Variants in COMMD5 observed in about 807,000 individuals in gnomAD.
COMMD5 encodes COMM domain containing 5.
COMMD5 carries 10 observed loss-of-function variants against 6.9 expected under a neutral mutation model. That is an observed-to-expected ratio of 1.44 (90% CI 0.89 to 2.45). COMMD5 has a LOEUF of 2.45. COMMD5 is among the 30% of genes most tolerant of loss of function. COMMD5 has a pLI of 0.00. For synonymous variants in COMMD5, 127 were observed against 125.3 expected (o/e 1.01, Z -0.09); for missense variants, 234 against 287.8 (o/e 0.81, Z 1.35).
At chr8:144,839,767 C>A (rs974442603), downstream of COMMD5, among the ~76,000 whole-genome samples, 1 of 152,304 alleles carries the variant, frequency 6.6e-6, no homozygotes, top group South Asian at 2.1e-4. Context: ...CCAGCTGGTA[C>A]AGTCAGCATC....
At chr8:144,849,617 G>A (rs115655126), downstream of COMMD5, among the ~76,000 whole-genome samples, 1,423 of 152,218 alleles carry the variant, frequency 9.3e-3, 24 homozygotes, top group African/African-American at 0.031. Context: ...CCAGCTGACC[G>A]AAAATGGCTC....
At chr8:144,846,464 C>G (rs983363890), downstream of COMMD5, 1 of 322,972 alleles carries the variant, frequency 3.1e-6, no homozygotes, top group Admixed American at 4.3e-5. Flanking sequence ...CATGGAGCCT[C>G]TGGCGGCTTT....
At chr8:144,844,559 A>G (rs372072928) in intron 1 of COMMD5, among the ~76,000 whole-genome samples, 2 of 151,734 alleles carry the variant, frequency 1.3e-5, no homozygotes, top group African/African-American at 4.8e-5. Context: ...AAATACAAAA[A>G]ATTAGCCGGG....
Position 144,850,936 on chromosome 8 carries a change from G to T in COMMD5, c.403C>A (p.Arg135=). The change falls in exon 2 of 2, where the codon CGG becomes AGG. Residue 135 remains arginine, a synonymous_variant. Coordinates refer to ENST00000305103, the MANE Select transcript of COMMD5 (RefSeq NM_014066.4). This position sits in a 1 kb window ranked among gnomAD's most constrained non-coding sequence, Gnocchi z 4.0. ...TGGGCCACAGAATCAAGGAGGGGCC[G>T]CTGGCTCCCAAATACCACGCTGGCC... ...DLASVVFGSQ[R]PLLDSVAQQQ... is the part of the protein sequence containing the mutation. 1.9e-6 allele frequency: 3 copies of T among 1,607,508 alleles called. No individual in the cohort carries two copies. Among genetic ancestry groups the T allele is most frequent in the Non-Finnish European group, 2.5e-6 (3 of 1,177,608 alleles).
At chr8:144,851,806 G>A (rs1203886173) in intron 1 of COMMD5, among the ~76,000 whole-genome samples, 1 of 152,116 alleles carries the variant, frequency 6.6e-6, no homozygotes, top group Non-Finnish European at 1.5e-5. Context: ...CACAACAGTG[G>A]GCAAGAAGAA....
At chr8:144,848,548 G>A (rs78734349), downstream of COMMD5, among the ~76,000 whole-genome samples, 3,927 of 152,018 alleles carry the variant, frequency 0.026, 161 homozygotes, top group African/African-American at 0.091. Context: ...ATTTGTTTAC[G>A]TATTGTGTGA....
intron 1 of COMMD5, chr8:144,843,536 T>TGG (rs1241882831): frequency 6.7e-6 from 1 of 148,360 alleles, no homozygotes; most frequent in Admixed American, 7.8e-5. Context: ...TGCAGTGAGC[T>TGG]GAGATCGCGC....
At chr8:144,842,933 T>C (rs1830141547) in intron 1 of COMMD5, 1 of 1,614,128 alleles carries the variant, frequency 6.2e-7, no homozygotes, top group Non-Finnish European at 8.5e-7. Context: ...GCCCAGTGGT[T>C]TTACGAATAT....
downstream of COMMD5, chr8:144,838,436 C>A: frequency 2.5e-6 from 1 of 402,482 alleles, no homozygotes; most frequent in Non-Finnish European, 4.5e-6. Flanking sequence ...GCCTGGTGCT[C>A]TGCTCCCCTG....
chr8:144,840,466 G>T (rs1336338520), downstream of COMMD5, among the ~76,000 whole-genome samples: 4 of 152,318 alleles, frequency 2.6e-5, no homozygotes, highest in East Asian at 7.7e-4. Context: ...GGTTGTGGTT[G>T]TGAACGTGAT....
chr8:144,841,534 G>A (rs1192391871), exon 2 of COMMD5: 1 of 1,614,186 alleles, frequency 6.2e-7, no homozygotes, highest in African/African-American at 1.3e-5. Flanking sequence ...CGGGCTGAAA[G>A]TGACAGGCTT....
At chr8:144,840,302 C>G (rs147451655), downstream of COMMD5, among the ~76,000 whole-genome samples, 7 of 152,232 alleles carry the variant, frequency 4.6e-5, no homozygotes, top group African/African-American at 7.2e-5. Context: ...TGCTCTGATT[C>G]TCCAGGACTG....
chr8:144,840,518 G>A (rs985903458), downstream of COMMD5, among the ~76,000 whole-genome samples: 2 of 152,186 alleles, frequency 1.3e-5, no homozygotes, highest in Non-Finnish European at 2.9e-5. Context: ...TCATAGCCGT[G>A]TGTTGTGGTT....
downstream of COMMD5, among the ~76,000 whole-genome samples, chr8:144,839,192 T>G (rs888438047): frequency 1.9e-4 from 28 of 151,006 alleles, no homozygotes; most frequent in Non-Finnish European, 3.0e-4. Context: ...GTGACCTTAC[T>G]TCCATTCATA....
chr8:144,843,135 G>T (rs780904049), intron 1 of COMMD5: 6 of 1,598,064 alleles, frequency 3.8e-6, no homozygotes, highest in Non-Finnish European at 5.1e-6. Context: ...GTAGCTCAAG[G>T]CTTACCCAGC....
chr8:144,845,919 A>G (rs1430467274), downstream of COMMD5: 1 of 1,495,700 alleles, frequency 6.7e-7, no homozygotes, highest in Non-Finnish European at 8.9e-7. Context: ...TAATGTGCTT[A>G]GCCAGGTGGT....
chr8:144,850,549 G>T lies in COMMD5; in HGVS notation c.*115C>A, dbSNP rs1185943723. The T allele has an allele frequency of 1.5e-5, 17 of 1,099,618 alleles. No individual in the cohort carries two copies. Among genetic ancestry groups the T allele is most frequent in the Non-Finnish European group, 2.1e-5 (16 of 775,302 alleles). 68.1% of individuals were successfully genotyped at this position (1,099,618 alleles called of 1,614,324 possible). On this transcript the variant is annotated 3_prime_UTR_variant, in exon 2 of 2. Coordinates refer to ENST00000305103, the MANE Select transcript of COMMD5 (RefSeq NM_014066.4). The surrounding 1 kb of genome is among the most constrained non-coding windows in gnomAD (Gnocchi z 4.0). ...ACATAATTACGTTCAAACACTCACT[G>T]AAGAGCCTGCCTCATGGGAAGGGCA...
chr8:144,843,830 A>T (rs1421756929), intron 1 of COMMD5: 1 of 152,190 alleles, frequency 6.6e-6, no homozygotes, highest in Admixed American at 6.5e-5. Flanking sequence ...TCAGTGGCTC[A>T]CACTGGCTTC....
At chr8:144,847,911 G>C (rs1015277916), downstream of COMMD5, among the ~76,000 whole-genome samples, 1 of 152,244 alleles carries the variant, frequency 6.6e-6, no homozygotes, top group African/African-American at 2.4e-5. Context: ...TGGAGTCCAG[G>C]TCTAATGGAG....
Sources: allele counts gnomAD v4.1 joint callset (sites outside exome capture counted in the v4.1 genomes callset), GRCh38; gene constraint gnomAD v4.1.1; non-coding constraint Gnocchi (gnomAD v3.1); transcripts MANE v1.5; gene names NCBI Gene and HGNC (gene_info 2026-07-23, HGNC 2026-07-21).